CAST: variants seen among roughly 807,000 people sequenced by gnomAD.
The protein encoded by CAST is calpastatin.
Under a neutral mutation model 119.6 loss-of-function variants are expected in CAST, and 76 were observed. The ratio of observed to expected loss-of-function variants is 0.64; its 90% CI spans 0.53 to 0.77. The LOEUF (loss-of-function observed/expected upper bound fraction) is 0.77, where lower values mean the gene tolerates loss of function less well. Ranked by LOEUF, CAST falls within the 30% of genes least tolerant of loss-of-function variation. The pLI, the probability that CAST is intolerant of heterozygous loss-of-function variation, is 0.00. For synonymous variants in CAST, 319 were observed against 331.6 expected (o/e 0.96, Z 0.41); for missense variants, 953 against 946.5 (o/e 1.01, Z -0.09).
At chr5:96,355,522 A>C in the CAST span, among the ~76,000 whole-genome samples, 2 of 152,282 alleles carry the variant, frequency 1.3e-5, no homozygotes, top group Non-Finnish European at 2.9e-5. Context: ...AGAATGATTT[A>C]TAATCCTTTG....
At chr5:96,359,841 G>A in the CAST span, among the ~76,000 whole-genome samples, 1 of 152,054 alleles carries the variant, frequency 6.6e-6, no homozygotes, top group African/African-American at 2.4e-5. Context: ...GAGTAACTTT[G>A]TGGCGTTCTC....
At chr5:96,129,050 T>G in the CAST span, among the ~76,000 whole-genome samples, 9 of 152,166 alleles carry the variant, frequency 5.9e-5, no homozygotes, top group Admixed American at 5.2e-4. Flanking sequence ...AAATGATAAA[T>G]CAAAGACCTT....
chr5:96,182,586 G>C, the CAST span, among the ~76,000 whole-genome samples: 1 of 152,110 alleles, frequency 6.6e-6, no homozygotes, highest in African/African-American at 2.4e-5. Flanking sequence ...TTATATGTCA[G>C]ACTTACCATA....
At chr5:96,566,258 A>G (rs1746468029) in intron 1 of CAST, among the ~76,000 whole-genome samples, 1 of 152,234 alleles carries the variant, frequency 6.6e-6, no homozygotes, top group African/African-American at 2.4e-5. Flanking sequence ...TCTGCCTTGG[A>G]GAAAAGCAAC....
chr5:96,058,941 A>G, the CAST span, among the ~76,000 whole-genome samples: 1 of 152,134 alleles, frequency 6.6e-6, no homozygotes, highest in Non-Finnish European at 1.5e-5. Context: ...AAAAGATTAC[A>G]TTTTCAGCCC....
rs145858272 is a variant in CAST at position 96,672,165 on chromosome 5, T to G, written c.76-3374T>G. 1.0e-3 allele frequency among the ~76,000 whole-genome samples: 154 copies of G among 152,284 alleles called. 1 individual carries two copies. Among genetic ancestry groups the G allele is most frequent in the African/African-American group, 3.6e-3 (151 of 41,546 alleles). On this transcript the variant is annotated intron_variant, in intron 1 of 31. Transcript: ENST00000675179. Reference sequence around the variant, plus strand: ...AGTTTAGGGTTAAAATTTCAGGATGTCTGTGATTTACTTTCCATTACAGGT... The same window carrying G: ...AGTTTAGGGTTAAAATTTCAGGATGGCTGTGATTTACTTTCCATTACAGGT...
the CAST span, among the ~76,000 whole-genome samples, chr5:96,271,985 A>G: frequency 6.6e-6 from 1 of 152,232 alleles, no homozygotes; most frequent in Non-Finnish European, 1.5e-5. Context: ...GAAGACATAC[A>G]AATGGCCATC....
At chr5:96,746,314 CTT>C in intron 16 of CAST, 26 bp from the exon 17 acceptor site, 3 of 1,321,314 alleles carry the variant, frequency 2.3e-6, no homozygotes, top group Non-Finnish European at 2.2e-6. Flanking sequence ...TATCCAACTA[CTT>C]TTTTTTTCCC....
At chr5:96,024,024 A>G in the CAST span, among the ~76,000 whole-genome samples, 5 of 152,222 alleles carry the variant, frequency 3.3e-5, no homozygotes, top group African/African-American at 1.2e-4. Context: ...ATTTGCTAAC[A>G]AAAACCACAG....
the CAST span, among the ~76,000 whole-genome samples, chr5:96,089,651 T>G: frequency 6.6e-6 from 1 of 152,316 alleles, no homozygotes; most frequent in East Asian, 1.9e-4. Flanking sequence ...TGTATACATG[T>G]GCGTGTTTTT....
At chr5:96,177,662 T>G in the CAST span, among the ~76,000 whole-genome samples, 5 of 152,110 alleles carry the variant, frequency 3.3e-5, no homozygotes, top group Admixed American at 1.3e-4. Flanking sequence ...ATAAAACCGG[T>G]TTTTCTTTGG....
At chr5:96,307,829 T>G in the CAST span, among the ~76,000 whole-genome samples, 1 of 152,252 alleles carries the variant, frequency 6.6e-6, no homozygotes, top group Non-Finnish European at 1.5e-5. Flanking sequence ...CCACTGCTAG[T>G]CTGATGGGCT....
At chr5:96,582,243 T>A (rs1746783131) in intron 1 of CAST, among the ~76,000 whole-genome samples, 1 of 152,194 alleles carries the variant, frequency 6.6e-6, no homozygotes, top group Non-Finnish European at 1.5e-5. Context: ...GCTCTCCTCA[T>A]TTTAGAATTG....
chr5:95,991,694 C>T, the CAST span, among the ~76,000 whole-genome samples: 15 of 151,536 alleles, frequency 9.9e-5, no homozygotes, highest in South Asian at 1.5e-3. Flanking sequence ...TTAGTGGAGA[C>T]GGGATCTCAC....
chr5:96,395,742 T>A, the CAST span, among the ~76,000 whole-genome samples: 18 of 152,314 alleles, frequency 1.2e-4, no homozygotes, highest in African/African-American at 4.1e-4. Context: ...TATACCTATG[T>A]AACAAACCTG....
the CAST span, among the ~76,000 whole-genome samples, chr5:96,305,669 T>C: frequency 6.6e-6 from 1 of 152,208 alleles, no homozygotes; most frequent in South Asian, 2.1e-4. Context: ...TAAAAGGCTG[T>C]TGAATTTTGT....
chr5:96,263,421 T>C, the CAST span, among the ~76,000 whole-genome samples: 1 of 151,964 alleles, frequency 6.6e-6, no homozygotes, highest in East Asian at 1.9e-4. Context: ...TGACGAGCCA[T>C]TATGGATGGA....
the CAST span, among the ~76,000 whole-genome samples, chr5:96,116,610 T>C: frequency 6.6e-6 from 1 of 152,202 alleles, no homozygotes. Context: ...GCTATTCTAG[T>C]AGATGTTTAC....
At chr5:96,623,759 A>T (rs751526656) in intron 1 of CAST, among the ~76,000 whole-genome samples, 1 of 152,178 alleles carries the variant, frequency 6.6e-6, no homozygotes, top group Non-Finnish European at 1.5e-5. Flanking sequence ...CCAGTGGCAC[A>T]ATCACAAGCT....
Sources: allele counts gnomAD v4.1 joint callset (sites outside exome capture counted in the v4.1 genomes callset), GRCh38; gene constraint gnomAD v4.1.1; transcripts MANE v1.5; gene names NCBI Gene and HGNC (gene_info 2026-07-23, HGNC 2026-07-21).